Variants in SUCLA2 observed in about 807,000 individuals in gnomAD.
The protein encoded by SUCLA2 is succinate-CoA ligase ADP-forming subunit beta.
In SUCLA2, 30 loss-of-function variants were observed where a neutral mutation model predicts 54.8. The ratio of observed to expected loss-of-function variants is 0.55; its 90% CI spans 0.41 to 0.74. The LOEUF is 0.74. Among genes scored for constraint, SUCLA2 ranks in the 30% least tolerant of loss-of-function variants. The pLI, the probability that SUCLA2 is intolerant of heterozygous loss-of-function variation, is 0.00. For missense variants in SUCLA2, 476 were observed against 562.9 expected (o/e 0.85, Z 1.56); for synonymous variants, 172 against 188.9 (o/e 0.91, Z 0.74).
chr13:48,000,933 G>T (rs1431764094), intron 1 of SUCLA2: 95 of 1,387,302 alleles, frequency 6.8e-5, no homozygotes, highest in Non-Finnish European at 8.8e-5. Flanking sequence ...CTTAGAAACT[G>T]CAGGAGCAGC....
At chr13:47,950,053 G>C (rs1282054274) in intron 8 of SUCLA2, among the ~76,000 whole-genome samples, 1 of 152,198 alleles carries the variant, frequency 6.6e-6, no homozygotes, top group Non-Finnish European at 1.5e-5. Context: ...AAGCAAAACT[G>C]TCATAATGAC....
intron 2 of SUCLA2, among the ~76,000 whole-genome samples, chr13:47,996,549 T>G (rs1040925090): frequency 6.6e-6 from 1 of 151,664 alleles, no homozygotes; most frequent in African/African-American, 2.4e-5. Flanking sequence ...GTAGTTAGAG[T>G]GGTAGTAGTA....
chr13:47,979,769 T>G (rs1473029836), intron 4 of SUCLA2, among the ~76,000 whole-genome samples: 3 of 152,096 alleles, frequency 2.0e-5, no homozygotes, highest in Non-Finnish European at 4.4e-5. Flanking sequence ...CAGCACTAGA[T>G]GTCCTAGACA....
At chr13:47,948,380 CATGT>C (rs1949751153) in intron 10 of SUCLA2, among the ~76,000 whole-genome samples, 1 of 145,570 alleles carries the variant, frequency 6.9e-6, no homozygotes, top group Non-Finnish European at 1.5e-5. Context: ...TGTGTGCGTG[CATGT>C]GTGTGTGCGC....
rs1204075948 is a variant in SUCLA2 at position 47,948,991 on chromosome 13, G to A, written c.1266C>T (p.Asp422=). 1 of 1,613,764 alleles carries A rather than the reference G, an allele frequency of 6.2e-7. No individual in the cohort carries two copies. The highest frequency in any genetic ancestry group is 1.1e-5 in the South Asian group (1 of 91,082). Residue 422 remains aspartate, a synonymous_variant, in exon 10 of 11, where the codon GAC becomes GAT. Transcript: ENST00000646932. ...RVDDAKALIA[D]SGLKILACDD... ...CACAAGCAAGTATTTTAAGTCCACT[G>A]TCCGCTATCAGTGCCTTAGCATCAT...
chr13:47,959,101 T>C (rs920412850), intron 6 of SUCLA2, among the ~76,000 whole-genome samples: 4 of 152,162 alleles, frequency 2.6e-5, no homozygotes, highest in African/African-American at 9.7e-5. Context: ...TTCACTAACA[T>C]TTAAGGTTAC....
At chr13:47,991,147 GCAGC>G (rs1212254444) in intron 2 of SUCLA2, among the ~76,000 whole-genome samples, 1 of 152,188 alleles carries the variant, frequency 6.6e-6, no homozygotes, top group Admixed American at 6.5e-5. Context: ...TCTCAAGGCA[GCAGC>G]CAAAGCAGGC....
At chr13:47,984,801 A>C (rs1950088033) in intron 4 of SUCLA2, among the ~76,000 whole-genome samples, 1 of 152,112 alleles carries the variant, frequency 6.6e-6, no homozygotes, top group African/African-American at 2.4e-5. Context: ...ATAAAAAATA[A>C]AGATGTGTAT....
At chr13:47,952,766 T>C (rs1486301183) in intron 8 of SUCLA2, among the ~76,000 whole-genome samples, 2 of 152,132 alleles carry the variant, frequency 1.3e-5, no homozygotes, top group East Asian at 1.9e-4. Flanking sequence ...CTATAGATAA[T>C]AGGGATCTTC....
At chr13:47,984,423 C>G (rs1434412459) in intron 4 of SUCLA2, among the ~76,000 whole-genome samples, 1 of 151,676 alleles carries the variant, frequency 6.6e-6, no homozygotes, top group Non-Finnish European at 1.5e-5. Flanking sequence ...AGGATGGTCT[C>G]GATCTCCTGA....
At chr13:47,986,409 T>C (rs980186761) in intron 4 of SUCLA2, among the ~76,000 whole-genome samples, 3 of 152,144 alleles carry the variant, frequency 2.0e-5, no homozygotes, top group Admixed American at 6.5e-5. Context: ...TTCTTGAAAA[T>C]TTGTTTTAAG....
chr13:47,981,830 A>C (rs11148100), intron 4 of SUCLA2, among the ~76,000 whole-genome samples: 94,869 of 151,828 alleles, frequency 0.62, 30,587 homozygotes, highest in East Asian at 0.77. Flanking sequence ...TACAAAAATA[A>C]AAAAATTAGC....
At chr13:47,975,603 G>GAAT (rs386379101) in intron 4 of SUCLA2, among the ~76,000 whole-genome samples, 1 of 151,640 alleles carries the variant, frequency 6.6e-6, no homozygotes, top group African/African-American at 2.4e-5. Context: ...TTAAAAAGAA[G>GAAT]AATCTATCAC....
chr13:47,946,513 A>T (rs1327025991), intron 10 of SUCLA2, among the ~76,000 whole-genome samples: 1 of 152,074 alleles, frequency 6.6e-6, no homozygotes, highest in Non-Finnish European at 1.5e-5. Flanking sequence ...AGATTCCCTG[A>T]TAATACCTTG....
chr13:47,992,846 T>C (rs914382436), intron 2 of SUCLA2, among the ~76,000 whole-genome samples: 1 of 152,256 alleles, frequency 6.6e-6, no homozygotes, highest in Non-Finnish European at 1.5e-5. Context: ...ACCCTTTACA[T>C]GTATCTATTC....
intron 6 of SUCLA2, among the ~76,000 whole-genome samples, chr13:47,967,845 T>A (rs1949931874): frequency 4.6e-5 from 2 of 43,342 alleles, no homozygotes; most frequent in Non-Finnish European, 4.1e-5. Context: ...CAAGACTCAG[T>A]CTCAAAAAAA....
chr13:47,973,446 G>T, intron 4 of SUCLA2, 54 bp from the exon 5 acceptor site: 1 of 1,597,074 alleles, frequency 6.3e-7, no homozygotes, highest in East Asian at 2.2e-5. Flanking sequence ...ACTCATCAAT[G>T]AAACTTTAAA....
intron 2 of SUCLA2, among the ~76,000 whole-genome samples, chr13:47,991,316 T>A (rs1950147569): frequency 6.6e-6 from 1 of 152,178 alleles, no homozygotes; most frequent in Non-Finnish European, 1.5e-5. Context: ...ACTGCACTAA[T>A]CCCCTCACTA....
chr13:47,963,103 C>T (rs1028599124), intron 6 of SUCLA2, among the ~76,000 whole-genome samples: 2 of 152,184 alleles, frequency 1.3e-5, no homozygotes, highest in African/African-American at 4.8e-5. Flanking sequence ...TCCTCAGCTG[C>T]AGCACCCAAT....
Sources: allele counts gnomAD v4.1 joint callset (sites outside exome capture counted in the v4.1 genomes callset), GRCh38; gene constraint gnomAD v4.1.1; transcripts MANE v1.5; gene names NCBI Gene and HGNC (gene_info 2026-07-23, HGNC 2026-07-21).